KAT6B: variants seen among roughly 807,000 people sequenced by gnomAD.
KAT6B encodes the protein lysine acetyltransferase 6B.
KAT6B carries 10 observed loss-of-function variants against 187.5 expected under a neutral mutation model. That is an observed-to-expected ratio of 0.05 (90% CI 0.03 to 0.09). KAT6B has a LOEUF of 0.09. Ranked by LOEUF, KAT6B falls within the 10% of genes least tolerant of loss-of-function variation. KAT6B has a pLI of 1.00. For missense variants in KAT6B, 1,952 were observed against 2,558.9 expected, an observed-to-expected ratio of 0.76 and a Z score of 5.12; for synonymous variants, 861 against 926.8, an observed-to-expected ratio of 0.93 and a Z score of 1.29.
intron 3 of KAT6B, among the ~76,000 whole-genome samples, chr10:74,857,862 A>C (rs1231779455): frequency 6.6e-6 from 1 of 152,136 alleles, no homozygotes; most frequent in African/African-American, 2.4e-5. Context: ...TCTAGAAAAA[A>C]TTTTTAAAAA....
chr10:74,993,448 G>A (rs1340665951), intron 13 of KAT6B, among the ~76,000 whole-genome samples: 1 of 152,128 alleles, frequency 6.6e-6, no homozygotes, highest in African/African-American at 2.4e-5. Context: ...TTGAGAGTAA[G>A]TTGAAGATGT....
intron 1 of KAT6B, 102 bp from the exon 2 acceptor site, chr10:74,838,581 T>G (rs1042748497): frequency 6.6e-6 from 1 of 152,214 alleles, no homozygotes; most frequent in African/African-American, 2.4e-5. Context: ...TAATAACTCA[T>G]TGGAGCTGTT....
intron 3 of KAT6B, among the ~76,000 whole-genome samples, chr10:74,944,450 G>T (rs190080203): frequency 1.4e-4 from 21 of 152,286 alleles, no homozygotes; most frequent in African/African-American, 5.1e-4. Context: ...GATTCTAACA[G>T]AAACTGTACA....
Position 74,975,888 on chromosome 10 carries a change from C to T in KAT6B, c.1551C>T (p.Pro517=). ...SQKSSTATSS[P]SPQSSSSQCS... is the part of the protein sequence containing the mutation. Reference sequence around the variant, plus strand: ...AGTCCAGCACGGCCACTTCTTCTCCCTCTCCCCAGAGTTCTTCCAGCCAGT... The same window carrying T: ...AGTCCAGCACGGCCACTTCTTCTCCTTCTCCCCAGAGTTCTTCCAGCCAGT... The change falls in exon 8 of 18, where the codon CCC becomes CCT. Residue 517 remains proline, a synonymous_variant. Transcript: ENST00000287239. 5 of 1,614,114 alleles carry T rather than the reference C, an allele frequency of 3.1e-6. No homozygotes were observed. Among genetic ancestry groups the T allele is most frequent in the Non-Finnish European group, 4.2e-6 (5 of 1,180,026 alleles).
chr10:75,031,691 G>T lies in KAT6B; in HGVS notation c.*645G>T. ...CTATTCCCATTTGGTTAGTCAAAAG[G>T]GTTTTATTGCTAAATGTTTGGTGTA... On this transcript the variant is annotated 3_prime_UTR_variant, in exon 18 of 18. Coordinates refer to ENST00000287239, the MANE Select transcript of KAT6B (RefSeq NM_012330.4). 1 of 210,368 alleles carries T rather than the reference G, an allele frequency of 4.8e-6. No individual in the cohort carries two copies. The highest frequency in any genetic ancestry group is 1.9e-4 in the South Asian group (1 of 5,318). The allele number at this position is 210,368 out of a possible 1,614,324, so 13.0% of individuals were successfully genotyped here.
intron 13 of KAT6B, among the ~76,000 whole-genome samples, chr10:74,990,196 C>CAAAAAAAAA (rs56300641): frequency 1.0e-4 from 4 of 39,418 alleles, no homozygotes; most frequent in African/African-American, 1.7e-4. Context: ...GACTCTGTCT[C>CAAAAAAAAA]AAAAAAAAAA....
upstream of KAT6B, among the ~76,000 whole-genome samples, chr10:74,825,120 AG>A (rs1317651837): frequency 6.6e-6 from 1 of 152,128 alleles, no homozygotes; most frequent in African/African-American, 2.4e-5. This position sits in a 1 kb window ranked among gnomAD's most constrained non-coding sequence, Gnocchi z 5.0. Context: ...ACAGCTCCCG[AG>A]GCGTCCCCCA....
chr10:74,873,710 A>G (rs533772843), intron 3 of KAT6B, among the ~76,000 whole-genome samples: 1 of 152,078 alleles, frequency 6.6e-6, no homozygotes, highest in African/African-American at 2.4e-5. Flanking sequence ...AGAGAGAGGG[A>G]GGTAGATGTT....
chr10:75,014,531 G>A (rs916746559), intron 13 of KAT6B, among the ~76,000 whole-genome samples: 3 of 151,920 alleles, frequency 2.0e-5, no homozygotes, highest in South Asian at 2.1e-4. Flanking sequence ...ATAAATATTT[G>A]TCAAATTTCT....
At chr10:74,860,491 A>C (rs1015141902) in intron 3 of KAT6B, among the ~76,000 whole-genome samples, 1 of 152,244 alleles carries the variant, frequency 6.6e-6, no homozygotes, top group Non-Finnish European at 1.5e-5. Context: ...AAACAGGCCA[A>C]ATAAGGTGAC....
chr10:74,991,826 G>T (rs1040447648), intron 13 of KAT6B, among the ~76,000 whole-genome samples: 2 of 152,212 alleles, frequency 1.3e-5, no homozygotes, highest in Non-Finnish European at 2.9e-5. Flanking sequence ...AAAACCAAAA[G>T]AATTTCTTGG....
chr10:75,015,468 G>A (rs528233889), intron 13 of KAT6B, among the ~76,000 whole-genome samples: 59 of 152,290 alleles, frequency 3.9e-4, no homozygotes, highest in African/African-American at 1.3e-3. Flanking sequence ...GATATAAATA[G>A]CCTGTCAAGT....
chr10:75,006,796 G>C (rs1034138225), intron 13 of KAT6B, among the ~76,000 whole-genome samples: 3 of 152,088 alleles, frequency 2.0e-5, no homozygotes, highest in Non-Finnish European at 2.9e-5. Flanking sequence ...AAAATGTACG[G>C]TGGCTCACAC....
chr10:75,022,628 G>A (rs974100033), intron 16 of KAT6B, among the ~76,000 whole-genome samples: 2 of 152,162 alleles, frequency 1.3e-5, no homozygotes, highest in African/African-American at 2.4e-5. Context: ...AACCAAATGC[G>A]TGCTCAAGAC....
rs566968480 is a variant in KAT6B at position 74,975,152 on chromosome 10, T to C, written c.1062-247T>C. Among the ~76,000 whole-genome samples, 409 of 152,288 alleles carry C rather than the reference T, an allele frequency of 2.7e-3. 3 individuals are homozygous for C. The highest frequency in any genetic ancestry group is 0.017 in the Middle Eastern group (5 of 294). ...TAGTCTCTTCAGCATTTTTCTTGCTTATATTGCCCTTGGGTCCACATGGAT... is the reference window on the plus strand; with the variant it reads ...TAGTCTCTTCAGCATTTTTCTTGCTCATATTGCCCTTGGGTCCACATGGAT... On this transcript the variant is annotated intron_variant, in intron 7 of 17. Transcript: ENST00000287239.
intron 13 of KAT6B, among the ~76,000 whole-genome samples, chr10:75,002,819 T>G (rs911220221): frequency 1.3e-5 from 2 of 152,256 alleles, no homozygotes; most frequent in Non-Finnish European, 2.9e-5. Context: ...TATTTATTGT[T>G]GATTGCCCAT....
intron 3 of KAT6B, among the ~76,000 whole-genome samples, chr10:74,890,928 CT>C (rs2132637676): frequency 6.6e-6 from 1 of 152,208 alleles, no homozygotes; most frequent in East Asian, 1.9e-4. Flanking sequence ...GTGTTACAAA[CT>C]TTGTTTTTAC....
intron 4 of KAT6B, among the ~76,000 whole-genome samples, chr10:74,965,098 A>G (rs892053516): frequency 1.3e-5 from 2 of 152,212 alleles, no homozygotes; most frequent in African/African-American, 4.8e-5. Context: ...ATATTCTTTA[A>G]TATAGCCCCC....
chr10:74,891,181 C>T (rs1845622234), intron 3 of KAT6B, among the ~76,000 whole-genome samples: 1 of 152,192 alleles, frequency 6.6e-6, no homozygotes, highest in Admixed American at 6.5e-5. Context: ...CAATTCCTGA[C>T]AGCATTTCTT....
Sources: gnomAD v4.1 joint callset for allele counts (sites outside exome capture counted in the v4.1 genomes callset) on GRCh38, gnomAD v4.1.1 for gene constraint, Gnocchi (gnomAD v3.1) non-coding constraint, MANE v1.5 for transcripts, NCBI Gene and HGNC (gene_info 2026-07-23, HGNC 2026-07-21) for gene names.